The following TTC27 variants were observed in gnomAD, a reference collection of about 807,000 sequenced individuals.
TTC27 encodes tetratricopeptide repeat protein 27.
In TTC27, 79 loss-of-function variants were observed where a neutral mutation model predicts 115.9. The observed-to-expected ratio is 0.68, with a 90% confidence interval of 0.57 to 0.82. The LOEUF is 0.82. TTC27 is among the 40% of genes least tolerant of loss of function. The probability of loss-of-function intolerance (pLI) is 0.00; values close to 1 mark genes in which losing one functional copy is unlikely to be tolerated. For synonymous variants in TTC27, 401 were observed against 356.0 expected (o/e 1.13, Z -1.42); for missense variants, 1,054 against 993.1 (o/e 1.06, Z -0.82).
intron 13 of TTC27, among the ~76,000 whole-genome samples, chr2:32,766,706 C>T (rs971395330): frequency 9.2e-5 from 14 of 152,136 alleles, no homozygotes; most frequent in Middle Eastern, 3.2e-3. Context: ...GACAGAGACA[C>T]GAAGTAAGCA....
chr2:32,698,702 G>T (rs1320308728), intron 9 of TTC27, among the ~76,000 whole-genome samples: 1 of 151,586 alleles, frequency 6.6e-6, no homozygotes, highest in Non-Finnish European at 1.5e-5. Flanking sequence ...GGATGGTCTC[G>T]ATCTCCTGAC....
Position 32,787,093 on chromosome 2 carries a change from G to A in TTC27, c.1942G>A (p.Ala648Thr). 6.2e-7 allele frequency: 1 copy of A among 1,614,010 alleles called. No individual in the cohort carries two copies. Among genetic ancestry groups the A allele is most frequent in the Non-Finnish European group, 8.5e-7 (1 of 1,179,984 alleles). The change falls in exon 16 of 20, where the codon GCC (alanine) becomes ACC (threonine). Residue 648 changes from alanine to threonine, a missense_variant. Coordinates refer to ENST00000317907, the MANE Select transcript of TTC27 (RefSeq NM_017735.5). ...TSTDVGEFSE[A>T]IKAYHRLLDL... The stretch of plus-strand genomic sequence containing the variant: ...CACTGACGTTGGGGAATTTTCAGAA[G>A]CCATTAAAGCTTATCACCGGCTCTT...
At chr2:32,752,612 C>T (rs1489410495) in intron 12 of TTC27, among the ~76,000 whole-genome samples, 1 of 152,180 alleles carries the variant, frequency 6.6e-6, no homozygotes, top group Non-Finnish European at 1.5e-5. Flanking sequence ...AGGTTTTCCC[C>T]TGTAAATTAA....
At position 32,708,304 on chromosome 2, in the gene TTC27, G is replaced by GTTTTTTTTTTTTTTTTTTTTTTTTTTTTT. The variant is rs1158508588; in HGVS notation, c.1233+5406_1233+5407insTTTTTTTTTTTTTTTTTTTTTTTTTTTTT. Reference sequence around the variant, plus strand: ...AATAGCGTTTTCTTTTCTCTACCTTGTTTTTTTTTTTTTTTTTTTTTTAAT... The same window carrying GTTTTTTTTTTTTTTTTTTTTTTTTTTTTT: ...AATAGCGTTTTCTTTTCTCTACCTTGTTTTTTTTTTTTTTTTTTTTTTTTTTTTTTTTTTTTTTTTTTTTTTTTTTTAAT... On this transcript the variant is annotated intron_variant, in intron 10 of 19. Coordinates refer to ENST00000317907, the MANE Select transcript of TTC27 (RefSeq NM_017735.5). Among the ~76,000 whole-genome samples, 8 of 61,348 alleles carry GTTTTTTTTTTTTTTTTTTTTTTTTTTTTT rather than the reference G, an allele frequency of 1.3e-4. 2 individuals are homozygous for GTTTTTTTTTTTTTTTTTTTTTTTTTTTTT. The highest frequency in any genetic ancestry group is 2.2e-4 in the Non-Finnish European group (7 of 32,178). 40.2% of individuals were successfully genotyped at this position (61,348 alleles called of 152,430 possible).
chr2:32,703,902 A>G (rs1667275213), intron 10 of TTC27, among the ~76,000 whole-genome samples: 2 of 152,222 alleles, frequency 1.3e-5, no homozygotes, highest in Non-Finnish European at 2.9e-5. Context: ...TAAAGGCTGG[A>G]AAGTCTAAGA....
At chr2:32,781,874 A>G (rs1225325629) in intron 14 of TTC27, among the ~76,000 whole-genome samples, 3 of 152,178 alleles carry the variant, frequency 2.0e-5, no homozygotes, top group Non-Finnish European at 4.4e-5. Flanking sequence ...GACCTCCAAA[A>G]TCTCCATTCA....
intron 16 of TTC27, among the ~76,000 whole-genome samples, chr2:32,798,713 A>AAAAAAAAAAAAAAT (rs1368512271): frequency 1.4e-5 from 2 of 142,346 alleles, no homozygotes; most frequent in African/African-American, 5.4e-5. Context: ...TCAAAAAAAA[A>AAAAAAAAAAAAAAT]AATAATAATA....
intron 5 of TTC27, among the ~76,000 whole-genome samples, chr2:32,653,075 C>A (rs2166868): frequency 0.83 from 127,003 of 152,154 alleles, 53,114 homozygotes; most frequent in Middle Eastern, 0.91. Flanking sequence ...TGAAAGCATG[C>A]TTCTCTAAAG....
chr2:32,676,574 C>T (rs1192558950), intron 8 of TTC27, among the ~76,000 whole-genome samples: 2 of 150,174 alleles, frequency 1.3e-5, no homozygotes, highest in African/African-American at 4.9e-5. Flanking sequence ...TCACTGCAAC[C>T]TCTGCGTCCT....
intron 17 of TTC27, 93 bp downstream of exon 17, chr2:32,811,314 T>G: frequency 8.3e-7 from 1 of 1,207,084 alleles, no homozygotes; most frequent in South Asian, 1.4e-5. Flanking sequence ...AGTTTAACAA[T>G]CTGAAAGATA....
chr2:32,632,285 A>C (rs1162974949), intron 2 of TTC27, among the ~76,000 whole-genome samples: 1 of 151,424 alleles, frequency 6.6e-6, no homozygotes, highest in Non-Finnish European at 1.5e-5. Context: ...TGGGGATTAT[A>C]GGCATGAGTC....
chr2:32,716,987 C>T (rs1378269703), intron 10 of TTC27, among the ~76,000 whole-genome samples: 1 of 147,792 alleles, frequency 6.8e-6, no homozygotes, highest in Non-Finnish European at 1.5e-5. Flanking sequence ...AGCCACTACA[C>T]CTGGCTCAGA....
chr2:32,763,275 G>T (rs191131402), intron 13 of TTC27, among the ~76,000 whole-genome samples: 2 of 152,296 alleles, frequency 1.3e-5, no homozygotes, highest in Admixed American at 6.5e-5. Flanking sequence ...CATTTTAACT[G>T]TGAACCAAGT....
At chr2:32,665,107 G>A (rs570955776) in intron 6 of TTC27, among the ~76,000 whole-genome samples, 6 of 151,734 alleles carry the variant, frequency 4.0e-5, no homozygotes, top group Middle Eastern at 3.4e-3. Flanking sequence ...TTGGCCTCCC[G>A]AAGTGCTGGG....
chr2:32,797,701 G>C (rs1381594107), intron 16 of TTC27, among the ~76,000 whole-genome samples: 1 of 152,082 alleles, frequency 6.6e-6, no homozygotes, highest in Non-Finnish European at 1.5e-5. Context: ...GGTAGATTTG[G>C]CAATGATTTC....
chr2:32,657,356 T>TC (rs971045802), intron 5 of TTC27, among the ~76,000 whole-genome samples: 3 of 147,828 alleles, frequency 2.0e-5, no homozygotes, highest in Admixed American at 2.0e-4. Context: ...TGTCTTTCTT[T>TC]TTTTTTTTTT....
chr2:32,758,813 G>A (rs1030548341), intron 13 of TTC27, among the ~76,000 whole-genome samples: 13 of 152,000 alleles, frequency 8.6e-5, no homozygotes, highest in African/African-American at 2.9e-4. Flanking sequence ...CCAATTTTGA[G>A]CGGATATGTT....
intron 16 of TTC27, among the ~76,000 whole-genome samples, chr2:32,803,671 C>G (rs1316310697): frequency 6.6e-6 from 1 of 151,970 alleles, no homozygotes; most frequent in East Asian, 1.9e-4. Context: ...TGAAGATTAA[C>G]AATAAAACTT....
chr2:32,648,853 A>T (rs918330829), intron 4 of TTC27, among the ~76,000 whole-genome samples: 21 of 152,030 alleles, frequency 1.4e-4, no homozygotes, highest in African/African-American at 5.1e-4. Context: ...TCTACCAAAA[A>T]ATACAAAAAT....
Sources: gnomAD v4.1 joint callset for allele counts (sites outside exome capture counted in the v4.1 genomes callset) on GRCh38, gnomAD v4.1.1 for gene constraint, MANE v1.5 for transcripts, NCBI Gene and HGNC (gene_info 2026-07-23, HGNC 2026-07-21) for gene names.